Variants in RALGAPA1 observed in about 807,000 individuals in gnomAD.
The protein encoded by RALGAPA1 is ral GTPase-activating protein subunit alpha-1.
Under a neutral mutation model 269.6 loss-of-function variants are expected in RALGAPA1, and 52 were observed. The ratio of observed to expected loss-of-function variants is 0.19; its 90% CI spans 0.15 to 0.24. The LOEUF is 0.24. Among genes scored for constraint, RALGAPA1 ranks in the 10% least tolerant of loss-of-function variants. RALGAPA1 has a pLI of 1.00. For synonymous variants in RALGAPA1, 817 were observed against 1,008.3 expected (o/e 0.81, Z 3.60); for missense variants, 1,917 against 3,013.9 (o/e 0.64, Z 8.52).
rs1163788372 is a variant in RALGAPA1, at chr14:35,760,816, C to A, written c.547+13G>T. ...CTTAAACCTACTGACGGATAACATC[C>A]CATGAATCTTACTTTCTTGAAGGTT... On this transcript the variant is annotated intron_variant, in intron 6 of 41. Transcript: ENST00000680220. The A allele has an allele frequency of 6.2e-7, 1 of 1,602,250 alleles. No individual in the cohort carries two copies. The highest frequency in any genetic ancestry group is 1.3e-5 in the African/African-American group (1 of 74,580).
chr14:35,651,221 T>C (rs1313042410), intron 31 of RALGAPA1, among the ~76,000 whole-genome samples: 3 of 152,108 alleles, frequency 2.0e-5, no homozygotes, highest in Non-Finnish European at 4.4e-5. Flanking sequence ...AAAGTATCTA[T>C]AAGAGAAGAT....
chr14:35,663,274 T>C (rs535968536), intron 27 of RALGAPA1, among the ~76,000 whole-genome samples: 1 of 152,200 alleles, frequency 6.6e-6, no homozygotes, highest in African/African-American at 2.4e-5. Flanking sequence ...TTGTGGTATA[T>C]ATATATCTAA....
At chr14:35,605,120 T>C (rs2059517931) in intron 36 of RALGAPA1, among the ~76,000 whole-genome samples, 1 of 152,128 alleles carries the variant, frequency 6.6e-6, no homozygotes, top group African/African-American at 2.4e-5. Flanking sequence ...ATGTAGGATT[T>C]GGGATGGGTA....
chr14:35,679,420 C>T (rs578065126), intron 21 of RALGAPA1, among the ~76,000 whole-genome samples: 58 of 152,354 alleles, frequency 3.8e-4, no homozygotes, highest in African/African-American at 1.2e-3. Flanking sequence ...GTACCTAATA[C>T]ACCTAATCAA....
chr14:35,635,343 A>G (rs2061602343), intron 32 of RALGAPA1, 121 bp downstream of exon 32: 1 of 1,169,578 alleles, frequency 8.6e-7, no homozygotes, highest in African/African-American at 1.6e-5. Flanking sequence ...TGTAAGCTAA[A>G]TATGTGTTCT....
In RALGAPA1 at chr14:35,539,455, T is replaced by A. The variant is rs1407716798; in HGVS notation, c.*259A>T. On this transcript the variant is annotated 3_prime_UTR_variant, in exon 42 of 42. Transcript: ENST00000680220. ...AAATGTACAGGAAGAAACATGCATG[T>A]TATGGCAGACATGAAGGCCTGAAAG... is the stretch of plus-strand genomic sequence containing the variant. 1.5e-6 allele frequency: 2 copies of A among 1,328,010 alleles called. No homozygotes were observed. Among genetic ancestry groups the A allele is most frequent in the African/African-American group, 3.0e-5 (2 of 67,598 alleles). The allele number at this position is 1,328,010 out of a possible 1,614,324, so 82.3% of individuals were successfully genotyped here.
At position 35,620,666 on chromosome 14, in the gene RALGAPA1, T is replaced by C. The variant is rs922318781; in HGVS notation, c.6929+4695A>G. 2.0e-5 allele frequency among the ~76,000 whole-genome samples: 3 copies of C among 152,212 alleles called. No homozygotes were observed. In the South Asian group the frequency reaches 6.2e-4, roughly 31 times the overall value. On this transcript the variant is annotated intron_variant, in intron 35 of 41. Coordinates refer to ENST00000680220, the MANE Select transcript of RALGAPA1 (RefSeq NM_001346249.2). ...GCTGACAAGCAACTTCGGCAAAGTC[T>C]CAGGATACAAAATCAATGTGCAAAA...
At chr14:35,698,749 T>A (rs1318685675) in intron 17 of RALGAPA1, among the ~76,000 whole-genome samples, 1 of 152,154 alleles carries the variant, frequency 6.6e-6, no homozygotes, top group African/African-American at 2.4e-5. Context: ...CTGTATCTAA[T>A]TCAGTTTTAA....
intron 36 of RALGAPA1, among the ~76,000 whole-genome samples, chr14:35,599,028 T>C (rs1158437717): frequency 6.6e-6 from 1 of 152,224 alleles, no homozygotes; most frequent in Non-Finnish European, 1.5e-5. Flanking sequence ...TCTTACATTA[T>C]ATATACATAA....
intron 37 of RALGAPA1, among the ~76,000 whole-genome samples, chr14:35,579,348 C>T (rs193164838): frequency 2.9e-4 from 44 of 152,108 alleles, no homozygotes; most frequent in African/African-American, 8.7e-4. Flanking sequence ...ATTTTATTCC[C>T]GGCCGGGCAC....
At chr14:35,797,036 C>T (rs558203213) in intron 1 of RALGAPA1, among the ~76,000 whole-genome samples, 12 of 152,224 alleles carry the variant, frequency 7.9e-5, no homozygotes, top group African/African-American at 2.9e-4. Flanking sequence ...ATCCGCCCAC[C>T]TCAGCCTCCC....
chr14:35,676,649 T>C (rs1009974404), intron 22 of RALGAPA1: 1 of 152,190 alleles, frequency 6.6e-6, no homozygotes, highest in Non-Finnish European at 1.5e-5. Context: ...GGCCATTATA[T>C]TGTGGTTACG....
intron 17 of RALGAPA1, among the ~76,000 whole-genome samples, chr14:35,693,555 C>T (rs1041505028): frequency 1.3e-5 from 2 of 151,788 alleles, no homozygotes; most frequent in Admixed American, 1.3e-4. Flanking sequence ...GAACGATCAC[C>T]CATGTTCAGA....
At chr14:35,616,544 C>A (rs1295230582) in intron 35 of RALGAPA1, among the ~76,000 whole-genome samples, 1 of 151,946 alleles carries the variant, frequency 6.6e-6, no homozygotes, top group Admixed American at 6.6e-5. Context: ...TTTATCAAAA[C>A]CAATAGAAAG....
At chr14:35,673,545 G>C (rs2064680496) in intron 24 of RALGAPA1, among the ~76,000 whole-genome samples, 1 of 152,138 alleles carries the variant, frequency 6.6e-6, no homozygotes, top group Non-Finnish European at 1.5e-5. Flanking sequence ...GGGTGACTGA[G>C]TGAGGCCCTG....
intron 24 of RALGAPA1, 102 bp downstream of exon 24, chr14:35,674,078 C>T: frequency 3.7e-6 from 3 of 812,600 alleles, no homozygotes; most frequent in South Asian, 1.8e-5. Flanking sequence ...TGGTTAAAAA[C>T]TAAGTGCTCT....
chr14:35,768,695 TA>T (rs1026697389), intron 4 of RALGAPA1, among the ~76,000 whole-genome samples: 1 of 150,692 alleles, frequency 6.6e-6, no homozygotes, highest in African/African-American at 2.4e-5. Context: ...TCCTGTCTCT[TA>T]AAAAAAATAC....
Position 35,632,037 on chromosome 14 carries a change from G to A in RALGAPA1, c.5995+2537C>T, listed in dbSNP as rs975422632. On this transcript the variant is annotated intron_variant, in intron 33 of 41. Transcript: ENST00000680220. ...TCATAATTACTCACATTGAAAACAC[G>A]TAAAGAATAAATTTAAATCTCAGAT... Among the ~76,000 whole-genome samples the A allele has an allele frequency of 3.9e-5, 6 of 152,024 alleles. No homozygotes were observed. The East Asian group carries it at 5.8e-4, about 15-fold the overall frequency.
At chr14:35,692,332 T>C (rs999787032) in intron 17 of RALGAPA1, among the ~76,000 whole-genome samples, 4 of 151,926 alleles carry the variant, frequency 2.6e-5, no homozygotes, top group Non-Finnish European at 4.4e-5. Context: ...AAAAATAAAA[T>C]ATTAGTTTTA....
Sources: allele counts gnomAD v4.1 joint callset (sites outside exome capture counted in the v4.1 genomes callset), GRCh38; gene constraint gnomAD v4.1.1; transcripts MANE v1.5; gene names NCBI Gene and HGNC (gene_info 2026-07-23, HGNC 2026-07-21).